SLC17A5: variants seen among roughly 807,000 people sequenced by gnomAD.
SLC17A5 encodes the protein solute carrier family 17 member 5.
SLC17A5 carries 47 observed loss-of-function variants against 59.4 expected under a neutral mutation model. That is an observed-to-expected ratio of 0.79 (90% CI 0.63 to 1.01). The LOEUF (loss-of-function observed/expected upper bound fraction) is 1.01, where lower values mean the gene tolerates loss of function less well. Among genes scored for constraint, SLC17A5 ranks in the 50% least tolerant of loss-of-function variants. SLC17A5 has a pLI of 0.00. For missense variants in SLC17A5, 522 were observed against 595.5 expected (o/e 0.88, Z 1.28); for synonymous variants, 202 against 210.7 (o/e 0.96, Z 0.36).
intron 1 of SLC17A5, among the ~76,000 whole-genome samples, chr6:73,650,507 C>CAAAAAAAAAAAAAAAAAAAAA: frequency 2.8e-5 from 1 of 35,548 alleles, no homozygotes; most frequent in Non-Finnish European, 6.3e-5. Flanking sequence ...GACTCCGTCT[C>CAAAAAAAAAAAAAAAAAAAAA]AAAAAAAAAA....
At chr6:73,596,114 T>C (rs929010816) in intron 10 of SLC17A5, among the ~76,000 whole-genome samples, 3 of 151,918 alleles carry the variant, frequency 2.0e-5, no homozygotes, top group Admixed American at 2.0e-4. Flanking sequence ...CCTGGATTTG[T>C]GCATTTAAAA....
intron 7 of SLC17A5, among the ~76,000 whole-genome samples, chr6:73,621,193 TGA>T (rs1768133688): frequency 6.6e-6 from 1 of 152,062 alleles, no homozygotes; most frequent in South Asian, 2.1e-4. Context: ...TTAGTAGAGA[TGA>T]GGTTTCTCCA....
At chr6:73,601,509 T>TA (rs1554161058) in intron 9 of SLC17A5, among the ~76,000 whole-genome samples, 1 of 60,062 alleles carries the variant, frequency 1.7e-5, no homozygotes, top group African/African-American at 8.9e-5. Flanking sequence ...GGGAGGGAGG[T>TA]GGGGGGGTCA....
At chr6:73,634,262 T>G (rs1170154473) in intron 6 of SLC17A5, among the ~76,000 whole-genome samples, 1 of 152,226 alleles carries the variant, frequency 6.6e-6, no homozygotes, top group Non-Finnish European at 1.5e-5. Flanking sequence ...AATGTGCTGT[T>G]CTCTTTCTTT....
chr6:73,611,765 ATGT>A (rs1011136835), intron 8 of SLC17A5, among the ~76,000 whole-genome samples: 4 of 152,178 alleles, frequency 2.6e-5, no homozygotes, highest in African/African-American at 4.8e-5. Context: ...GATGATGGAA[ATGT>A]TGTATTTGTA....
chr6:73,646,316 A>G (rs749781050), intron 1 of SLC17A5, among the ~76,000 whole-genome samples: 2 of 152,206 alleles, frequency 1.3e-5, no homozygotes, highest in Non-Finnish European at 2.9e-5. Flanking sequence ...ATGCACAACT[A>G]TACTTAGGTT....
At chr6:73,648,523 T>C (rs1769688111) in intron 1 of SLC17A5, among the ~76,000 whole-genome samples, 1 of 152,206 alleles carries the variant, frequency 6.6e-6, no homozygotes, top group African/African-American at 2.4e-5. Context: ...TACTTACTAG[T>C]TTTCATTCTC....
intron 10 of SLC17A5, among the ~76,000 whole-genome samples, chr6:73,597,182 A>C (rs1468686293): frequency 1.3e-5 from 2 of 150,806 alleles, no homozygotes; most frequent in African/African-American, 4.9e-5. Flanking sequence ...AAATAAATAA[A>C]CCAGGCCAGG....
At chr6:73,611,606 A>G (rs1767641805) in intron 8 of SLC17A5, among the ~76,000 whole-genome samples, 1 of 150,988 alleles carries the variant, frequency 6.6e-6, no homozygotes, top group South Asian at 2.1e-4. Context: ...TGCCCCACCT[A>G]ATATGCAGGA....
At chr6:73,622,134 T>C (rs557431667) in intron 6 of SLC17A5, among the ~76,000 whole-genome samples, 172 bp from the exon 7 acceptor site, 1 of 152,310 alleles carries the variant, frequency 6.6e-6, no homozygotes, top group South Asian at 2.1e-4. Flanking sequence ...ACATGATAAA[T>C]ATTTAGTTGT....
intron 1 of SLC17A5, among the ~76,000 whole-genome samples, chr6:73,651,273 C>G (rs1393551322): frequency 1.3e-5 from 2 of 151,644 alleles, no homozygotes; most frequent in African/African-American, 4.8e-5. Context: ...CCAGCCTTGC[C>G]AACATGGTGA....
intron 6 of SLC17A5, among the ~76,000 whole-genome samples, chr6:73,623,114 G>C (rs1768229552): frequency 6.6e-6 from 1 of 152,058 alleles, no homozygotes; most frequent in South Asian, 2.1e-4. Context: ...TCGGCTCACT[G>C]CAACTTCTGC....
chr6:73,634,298 A>G (rs994976226), intron 6 of SLC17A5, among the ~76,000 whole-genome samples: 5 of 152,240 alleles, frequency 3.3e-5, no homozygotes, highest in Admixed American at 2.6e-4. Flanking sequence ...AAATATAGAT[A>G]CAGGTCCAAT....
At chr6:73,653,302 C>T (rs1019592383) in intron 1 of SLC17A5, 1 of 985,348 alleles carries the variant, frequency 1.0e-6, no homozygotes, top group Admixed American at 6.1e-5. Context: ...TGGCGGAAAC[C>T]TAGCGGTGAC....
At chr6:73,620,330 A>T (rs1336838275) in intron 7 of SLC17A5, among the ~76,000 whole-genome samples, 1 of 145,260 alleles carries the variant, frequency 6.9e-6, no homozygotes, top group East Asian at 2.0e-4. Context: ...CTGTAGTAGT[A>T]TATTATTTAT....
At chr6:73,637,764 C>T (rs1769090337) in intron 4 of SLC17A5, among the ~76,000 whole-genome samples, 1 of 152,142 alleles carries the variant, frequency 6.6e-6, no homozygotes, top group African/African-American at 2.4e-5. Context: ...AAAAGTACCA[C>T]AGAGAGGCCT....
intron 1 of SLC17A5, chr6:73,645,369 A>G (rs1460447703): frequency 1.0e-6 from 1 of 985,310 alleles, no homozygotes; most frequent in Non-Finnish European, 1.2e-6. Flanking sequence ...AAATGCATTT[A>G]AGAATCTAGA....
intron 7 of SLC17A5, among the ~76,000 whole-genome samples, chr6:73,619,931 T>G (rs1312364321): frequency 6.7e-6 from 1 of 149,548 alleles, no homozygotes. Context: ...TGTTTTTTTT[T>G]TTTTTTTTTT....
intron 1 of SLC17A5, chr6:73,653,442 C>A: frequency 1.0e-6 from 1 of 985,430 alleles, no homozygotes; most frequent in Non-Finnish European, 1.2e-6. Flanking sequence ...TCCACTGGGT[C>A]CCTTGCTCAG....
Sources: gnomAD v4.1 joint callset for allele counts (sites outside exome capture counted in the v4.1 genomes callset) on GRCh38, gnomAD v4.1.1 for gene constraint, MANE v1.5 for transcripts, NCBI Gene and HGNC (gene_info 2026-07-23, HGNC 2026-07-21) for gene names.